The following PTPRK variants were observed in gnomAD, a reference collection of about 807,000 sequenced individuals.
The protein encoded by PTPRK is receptor-type tyrosine-protein phosphatase kappa.
In PTPRK, 75 loss-of-function variants were observed where a neutral mutation model predicts 178.0. That is an observed-to-expected ratio of 0.42 (90% CI 0.35 to 0.51). The LOEUF is 0.51. PTPRK is among the 20% of genes least tolerant of loss of function. The pLI, the probability that PTPRK is intolerant of heterozygous loss-of-function variation, is 0.02. For missense variants in PTPRK, 1,441 were observed against 1,797.8 expected, an observed-to-expected ratio of 0.80 and a Z score of 3.59; for synonymous variants, 637 against 620.6, an observed-to-expected ratio of 1.03 and a Z score of -0.39.
At chr6:128,241,223 C>T (rs749747781) in intron 4 of PTPRK, 1 of 533,200 alleles carries the variant, frequency 1.9e-6, no homozygotes, top group Admixed American at 1.9e-5. Context: ...AGTGACTTAC[C>T]TCTCAGGAAG....
At chr6:128,307,438 T>C (rs1374965066) in intron 3 of PTPRK, among the ~76,000 whole-genome samples, 5 of 149,262 alleles carry the variant, frequency 3.3e-5, no homozygotes, top group Non-Finnish European at 5.9e-5. Flanking sequence ...CTTAACAAAG[T>C]CATTCCTTTT....
intron 1 of PTPRK, among the ~76,000 whole-genome samples, chr6:128,483,385 T>G (rs1852358698): frequency 6.6e-6 from 1 of 152,168 alleles, no homozygotes; most frequent in Admixed American, 6.5e-5. Context: ...CTACTTTGTG[T>G]GTTTAAAAGC....
rs539750533 is a variant in PTPRK at position 128,223,986 on chromosome 6, T to C, written c.694-4890A>G. 5.3e-5 allele frequency among the ~76,000 whole-genome samples: 8 copies of C among 152,326 alleles called. No individual in the cohort carries two copies. In the South Asian group the frequency reaches 1.7e-3, roughly 32 times the overall value. ...TAATCTATATTAGACATTGCTTTCT[T>C]TACTTGGCTTCCAACGATTCATTAG... On this transcript the variant is annotated intron_variant, in intron 5 of 29. Coordinates refer to ENST00000368226, the MANE Select transcript of PTPRK (RefSeq NM_002844.4).
intron 19 of PTPRK, among the ~76,000 whole-genome samples, chr6:127,991,650 T>C (rs1366487673): frequency 6.6e-6 from 1 of 150,952 alleles, no homozygotes; most frequent in African/African-American, 2.4e-5. Flanking sequence ...ACTAGTTTCT[T>C]GGGTATTTAT....
intron 5 of PTPRK, among the ~76,000 whole-genome samples, chr6:128,229,088 C>T (rs761130896): frequency 2.4e-4 from 36 of 151,942 alleles, no homozygotes; most frequent in East Asian, 3.9e-4. Context: ...GTGTTTCTGA[C>T]GTACAAAATT....
intron 7 of PTPRK, among the ~76,000 whole-genome samples, chr6:128,138,999 C>T (rs1795401853): frequency 6.6e-6 from 1 of 152,136 alleles, no homozygotes; most frequent in African/African-American, 2.4e-5. Flanking sequence ...GGAATACACA[C>T]AGTGGAATCT....
At chr6:128,460,278 T>G (rs1226770214) in intron 1 of PTPRK, among the ~76,000 whole-genome samples, 1 of 152,024 alleles carries the variant, frequency 6.6e-6, no homozygotes, top group Non-Finnish European at 1.5e-5. Context: ...GCATGGGGAC[T>G]CACACCTGTA....
chr6:128,234,225 T>A (rs1401516671), intron 5 of PTPRK, among the ~76,000 whole-genome samples: 2 of 152,260 alleles, frequency 1.3e-5, no homozygotes, highest in African/African-American at 4.8e-5. Context: ...ATGGACAAGA[T>A]GGATAAAAAC....
At chr6:127,991,234 C>G (rs978825972) in intron 20 of PTPRK, 60 bp downstream of exon 20, 1 of 1,309,220 alleles carries the variant, frequency 7.6e-7, no homozygotes, top group African/African-American at 1.5e-5. Context: ...GAGTGTCTTA[C>G]ATGTTGCTTC....
chr6:128,008,992 C>T (rs999783210), intron 14 of PTPRK, 138 bp downstream of exon 14: 35 of 632,912 alleles, frequency 5.5e-5, no homozygotes, highest in Non-Finnish European at 8.2e-5. Context: ...CCAATAGACT[C>T]AGGTGCTGAC....
At chr6:128,339,777 G>T (rs1032998936) in intron 2 of PTPRK, among the ~76,000 whole-genome samples, 10 of 152,132 alleles carry the variant, frequency 6.6e-5, no homozygotes, top group African/African-American at 2.2e-4. Context: ...TTTCTGCCAG[G>T]CTTCCAGAAA....
At chr6:128,005,975 T>A in intron 14 of PTPRK, 1 of 1,384,272 alleles carries the variant, frequency 7.2e-7, no homozygotes, top group Non-Finnish European at 9.8e-7. Context: ...TGAAAAGGGA[T>A]ACTGCATCCT....
At chr6:128,093,376 C>T (rs1229441994) in intron 7 of PTPRK, among the ~76,000 whole-genome samples, 4 of 151,810 alleles carry the variant, frequency 2.6e-5, no homozygotes, top group Non-Finnish European at 5.9e-5. Context: ...GGCAGATGGC[C>T]TGAGCTCAGG....
chr6:128,491,808 C>G (rs1271653502), intron 1 of PTPRK: 1 of 517,812 alleles, frequency 1.9e-6, no homozygotes, highest in Admixed American at 1.9e-5. Context: ...CAGACAGCAG[C>G]AGAACAACAG....
rs552795762 is a variant in PTPRK at position 128,097,942 on chromosome 6, G to A, written c.1163-7950C>T. Among the ~76,000 whole-genome samples, 6 of 152,210 alleles carry A rather than the reference G, an allele frequency of 3.9e-5. No homozygotes were observed. In the East Asian group the frequency reaches 1.2e-3, roughly 29 times the overall value. ...AAAACACTGCTTCATAATATACAGT[G>A]TAAAAAGTAAGGTGACTTTAGAGGA... On this transcript the variant is annotated intron_variant, in intron 7 of 29. Coordinates refer to ENST00000368226, the MANE Select transcript of PTPRK (RefSeq NM_002844.4).
chr6:127,978,459 C>T (rs989968708), intron 25 of PTPRK, among the ~76,000 whole-genome samples: 1 of 152,280 alleles, frequency 6.6e-6, no homozygotes, highest in Middle Eastern at 3.4e-3. Context: ...GGGTTTGCTT[C>T]CCCTTCGGCC....
At chr6:128,024,814 A>C (rs1774046070) in intron 13 of PTPRK, among the ~76,000 whole-genome samples, 1 of 152,170 alleles carries the variant, frequency 6.6e-6, no homozygotes, top group Non-Finnish European at 1.5e-5. Context: ...CTTTTCAAAA[A>C]CAAAAACAAC....
intron 6 of PTPRK, among the ~76,000 whole-genome samples, chr6:128,207,543 TAGAC>T (rs1360468330): frequency 6.6e-6 from 1 of 152,138 alleles, no homozygotes; most frequent in Non-Finnish European, 1.5e-5. Flanking sequence ...AACACAAACA[TAGAC>T]AGATACAGAT....
intron 3 of PTPRK, among the ~76,000 whole-genome samples, chr6:128,303,322 T>G (rs1825914727): frequency 1.3e-5 from 2 of 152,192 alleles, no homozygotes; most frequent in African/African-American, 4.8e-5. Context: ...ACCCCCTAGA[T>G]TCACTGGGAA....
Sources: gnomAD v4.1 joint callset for allele counts (sites outside exome capture counted in the v4.1 genomes callset) on GRCh38, gnomAD v4.1.1 for gene constraint, MANE v1.5 for transcripts, NCBI Gene and HGNC (gene_info 2026-07-23, HGNC 2026-07-21) for gene names.